Variants in BNC2 observed in about 807,000 individuals in gnomAD.
BNC2 encodes the protein zinc finger protein basonuclin-2.
A neutral mutation model predicts 76.3 loss-of-function variants in BNC2; 20 were observed. The observed-to-expected ratio is 0.26, with a 90% CI of 0.18 to 0.38. BNC2 has a LOEUF of 0.38. BNC2 is among the 10% of genes least tolerant of loss of function. BNC2 has a pLI of 1.00. For missense variants in BNC2, 1,382 were observed against 1,399.8 expected, an observed-to-expected ratio of 0.99 and a Z score of 0.20; for synonymous variants, 582 against 514.8, an observed-to-expected ratio of 1.13 and a Z score of -1.77.
chr9:16,471,985 C>T (rs1045474858), intron 5 of BNC2, among the ~76,000 whole-genome samples: 2 of 152,174 alleles, frequency 1.3e-5, no homozygotes, highest in Non-Finnish European at 2.9e-5. Flanking sequence ...TTTCTCTTGC[C>T]TCTGCCATGT....
intron 5 of BNC2, among the ~76,000 whole-genome samples, chr9:16,487,413 A>T (rs961297845): frequency 1.3e-5 from 2 of 152,214 alleles, no homozygotes; most frequent in African/African-American, 4.8e-5. Context: ...AAAATGTATG[A>T]GAGACCTAAA....
At chr9:16,819,610 T>C (rs866803918) in intron 1 of BNC2, among the ~76,000 whole-genome samples, 3 of 151,848 alleles carry the variant, frequency 2.0e-5, no homozygotes, top group Admixed American at 2.0e-4. Context: ...TGAGCTGAGA[T>C]CATGCCACTG....
At chr9:16,806,639 G>A (rs946098684) in intron 1 of BNC2, among the ~76,000 whole-genome samples, 2 of 152,144 alleles carry the variant, frequency 1.3e-5, no homozygotes, top group Admixed American at 1.3e-4. Flanking sequence ...AGAAAAATAA[G>A]GACAGTTTAT....
At chr9:16,744,112 G>A (rs1384996930) in intron 1 of BNC2, among the ~76,000 whole-genome samples, 1 of 151,912 alleles carries the variant, frequency 6.6e-6, no homozygotes, top group East Asian at 1.9e-4. Context: ...GACTACAGGC[G>A]CCTGCCACCA....
chr9:16,633,993 G>T (rs140380773), intron 3 of BNC2, among the ~76,000 whole-genome samples: 5 of 152,122 alleles, frequency 3.3e-5, no homozygotes, highest in African/African-American at 9.7e-5. Flanking sequence ...ATGTAAATGT[G>T]CTGACACTGT....
At chr9:16,569,117 T>C (rs1819246447) in intron 4 of BNC2, among the ~76,000 whole-genome samples, 1 of 151,968 alleles carries the variant, frequency 6.6e-6, no homozygotes, top group African/African-American at 2.4e-5. Flanking sequence ...GGTTTTTTTT[T>C]TTTTCTTCAA....
chr9:16,835,683 C>A (rs1818690311), intron 1 of BNC2, among the ~76,000 whole-genome samples: 1 of 152,174 alleles, frequency 6.6e-6, no homozygotes, highest in Admixed American at 6.5e-5. Flanking sequence ...GCCTGGGCAA[C>A]AGAGCAAGAC....
intron 3 of BNC2, among the ~76,000 whole-genome samples, chr9:16,603,923 T>C (rs7018743): frequency 0.96 from 146,089 of 152,194 alleles, 70,170 homozygotes; most frequent in East Asian, 1. Flanking sequence ...GCTTAAAATG[T>C]TAGAAATTTC....
chr9:16,778,567 CACA>C (rs1826032792), intron 1 of BNC2, among the ~76,000 whole-genome samples: 1 of 152,184 alleles, frequency 6.6e-6, no homozygotes, highest in Admixed American at 6.5e-5. Flanking sequence ...ATTTCTCTTT[CACA>C]ACAACTTGCA....
At chr9:16,676,282 T>C (rs1440176198) in intron 3 of BNC2, among the ~76,000 whole-genome samples, 1 of 152,170 alleles carries the variant, frequency 6.6e-6, no homozygotes, top group Non-Finnish European at 1.5e-5. Context: ...TATTCTTATA[T>C]AAAAATATGG....
chr9:16,512,812 C>T (rs1822789938), intron 5 of BNC2, among the ~76,000 whole-genome samples: 1 of 151,874 alleles, frequency 6.6e-6, no homozygotes, highest in African/African-American at 2.4e-5. Context: ...TAAAGCATAA[C>T]TTTCTTCATA....
intron 4 of BNC2, among the ~76,000 whole-genome samples, chr9:16,582,361 C>G (rs965207044): frequency 2.0e-5 from 3 of 152,212 alleles, no homozygotes; most frequent in African/African-American, 7.2e-5. Flanking sequence ...ACACTCATAT[C>G]CTTCGCGTGG....
At chr9:16,435,335 G>C (rs1050368859) in intron 6 of BNC2, among the ~76,000 whole-genome samples, 3 of 152,060 alleles carry the variant, frequency 2.0e-5, no homozygotes, top group African/African-American at 7.2e-5. Context: ...CGTGCATTAC[G>C]GGTAAGATGG....
At chr9:16,440,118 T>A (rs1214144636) in intron 5 of BNC2, among the ~76,000 whole-genome samples, 1 of 152,164 alleles carries the variant, frequency 6.6e-6, no homozygotes, top group Non-Finnish European at 1.5e-5. Context: ...ATTATCTCAT[T>A]TCACCCCTAT....
intron 3 of BNC2, among the ~76,000 whole-genome samples, chr9:16,692,427 G>T (rs539352104): frequency 1.3e-4 from 20 of 152,180 alleles, no homozygotes; most frequent in Non-Finnish European, 2.6e-4. Flanking sequence ...GTATCTCCGA[G>T]CCTTGTTTCC....
chr9:16,824,350 CA>C (rs1054722013), intron 1 of BNC2, among the ~76,000 whole-genome samples: 50 of 152,220 alleles, frequency 3.3e-4, no homozygotes, highest in African/African-American at 1.2e-3. Context: ...TCTGGAAATT[CA>C]AAGGTCCCTT....
At chr9:16,438,788 G>C (rs1190966808) in intron 5 of BNC2, among the ~76,000 whole-genome samples, 9 of 152,066 alleles carry the variant, frequency 5.9e-5, no homozygotes, top group Admixed American at 5.9e-4. Context: ...TACCTTAAAA[G>C]GGTGATCGAC....
chr9:16,477,856 C>T (rs1295025645), intron 5 of BNC2, among the ~76,000 whole-genome samples: 1 of 152,132 alleles, frequency 6.6e-6, no homozygotes, highest in Non-Finnish European at 1.5e-5. Context: ...ACTTTAGAAG[C>T]AACTCATAGA....
At chr9:16,853,615 C>T (rs1270506760) in intron 1 of BNC2, among the ~76,000 whole-genome samples, 3 of 152,024 alleles carry the variant, frequency 2.0e-5, no homozygotes, top group African/African-American at 7.2e-5. Context: ...GCCTGCAATC[C>T]CACCACTTTA....
Sources: allele counts gnomAD v4.1 joint callset (sites outside exome capture counted in the v4.1 genomes callset), GRCh38; gene constraint gnomAD v4.1.1; transcripts MANE v1.5; gene names NCBI Gene and HGNC (gene_info 2026-07-23, HGNC 2026-07-21).